The following ANAPC1 variants were observed in gnomAD, a reference collection of about 807,000 sequenced individuals.
ANAPC1 encodes anaphase-promoting complex subunit 1.
A neutral mutation model predicts 208.0 loss-of-function variants in ANAPC1; 36 were observed. The ratio of observed to expected loss-of-function variants is 0.17; its 90% CI spans 0.13 to 0.23. ANAPC1 has a LOEUF of 0.23. ANAPC1 is among the 10% of genes least tolerant of loss of function. The pLI, the probability that ANAPC1 is intolerant of heterozygous loss-of-function variation, is 1.00. For missense variants in ANAPC1, 942 were observed against 2,011.6 expected, an observed-to-expected ratio of 0.47 and a Z score of 10.17; for synonymous variants, 378 against 695.2, an observed-to-expected ratio of 0.54 and a Z score of 7.18.
At chr2:111,883,261 C>A (rs1683417544) in intron 1 of ANAPC1, among the ~76,000 whole-genome samples, 1 of 150,124 alleles carries the variant, frequency 6.7e-6, no homozygotes, top group African/African-American at 2.4e-5. Flanking sequence ...ACAGAATAAC[C>A]AACATCAACG....
intron 6 of ANAPC1, among the ~76,000 whole-genome samples, chr2:111,870,756 A>G (rs1367645753): frequency 1.3e-5 from 2 of 152,148 alleles, no homozygotes; most frequent in African/African-American, 4.8e-5. Context: ...TTTTAGTCAT[A>G]AATTCCTTGC....
At chr2:111,839,088 T>C (rs1680626043) in intron 17 of ANAPC1, among the ~76,000 whole-genome samples, 2 of 152,264 alleles carry the variant, frequency 1.3e-5, no homozygotes, top group African/African-American at 4.8e-5. Context: ...TGGAAGTCAC[T>C]GTCATCACTT....
intron 13 of ANAPC1, among the ~76,000 whole-genome samples, chr2:111,852,077 C>A (rs1681433261): frequency 6.6e-6 from 1 of 150,776 alleles, no homozygotes; most frequent in Non-Finnish European, 1.5e-5. Flanking sequence ...ACTAATTATG[C>A]ATAATTTTTT....
chr2:111,837,430 A>G (rs146880939), intron 18 of ANAPC1, among the ~76,000 whole-genome samples: 53,104 of 150,792 alleles, frequency 0.35, 9,711 homozygotes, highest in South Asian at 0.47. Flanking sequence ...GACCAGCCTG[A>G]CCAACATGGT....
At chr2:111,790,813 C>G (rs1347086967) in intron 38 of ANAPC1, among the ~76,000 whole-genome samples, 1 of 152,050 alleles carries the variant, frequency 6.6e-6, no homozygotes, top group Non-Finnish European at 1.5e-5. Context: ...GGGCTTAGGA[C>G]ATAGTTTAAA....
At chr2:111,813,442 A>C (rs1679092291) in intron 28 of ANAPC1, among the ~76,000 whole-genome samples, 1 of 151,776 alleles carries the variant, frequency 6.6e-6, no homozygotes, top group East Asian at 1.9e-4. Flanking sequence ...GTGGAGACTG[A>C]TATTAATCCA....
intron 16 of ANAPC1, among the ~76,000 whole-genome samples, chr2:111,846,287 C>A (rs1287474814): frequency 6.6e-6 from 1 of 151,616 alleles, no homozygotes; most frequent in Non-Finnish European, 1.5e-5. Flanking sequence ...ATAATTCAAG[C>A]AGAATCCAAT....
Position 111,856,806 on chromosome 2 carries a change from G to T in ANAPC1, c.1439C>A (p.Ala480Glu). ...SVTNIPAKDA[A>E]PVEKIDTMLV... ...ATGTGCCTACATTACCTCCACTGGT[G>T]CTGCATCCTTTGCTGGTATGTTGGT... Residue 480 changes from alanine (A) to glutamate (E), a missense_variant, in exon 12 of 48, where the codon GCA (alanine) becomes GAA (glutamate). By Grantham distance (107) the Ala-to-Glu change is moderately radical (BLOSUM62 -1). Transcript: ENST00000341068. 1 of 1,613,310 alleles carries T rather than the reference G, an allele frequency of 6.2e-7. No homozygotes were observed. The highest frequency in any genetic ancestry group is 8.5e-7 in the Non-Finnish European group (1 of 1,179,866).
intron 21 of ANAPC1, among the ~76,000 whole-genome samples, chr2:111,829,678 C>A (rs1476706777): frequency 5.9e-5 from 9 of 151,750 alleles, no homozygotes; most frequent in African/African-American, 2.2e-4. Flanking sequence ...AGATTTGCAG[C>A]TAGAGGTAAA....
At chr2:111,800,762 C>T (rs1678401306) in intron 34 of ANAPC1, 35 bp downstream of exon 34, 1 of 462,860 alleles carries the variant, frequency 2.2e-6, no homozygotes. Context: ...TAATTTTATG[C>T]TACTAAAGAT....
At chr2:111,866,641 T>C (rs1000684757) in intron 7 of ANAPC1, among the ~76,000 whole-genome samples, 1 of 150,354 alleles carries the variant, frequency 6.7e-6, no homozygotes, top group African/African-American at 2.4e-5. Flanking sequence ...GGAGAATCGC[T>C]TGAACCTGGG....
At chr2:111,832,989 T>C (rs974139673) in intron 20 of ANAPC1, among the ~76,000 whole-genome samples, 1 of 149,844 alleles carries the variant, frequency 6.7e-6, no homozygotes, top group African/African-American at 2.5e-5. Context: ...TCTCTGACTT[T>C]TGCAAGTCAG....
At chr2:111,844,292 G>C (rs890317284) in intron 16 of ANAPC1, among the ~76,000 whole-genome samples, 1 of 151,978 alleles carries the variant, frequency 6.6e-6, no homozygotes, top group Non-Finnish European at 1.5e-5. Context: ...CTATGGGCCA[G>C]GCATGGTGAC....
chr2:111,769,297 C>G lies in ANAPC1; in HGVS notation c.5829G>C (p.Val1943=), dbSNP rs1676590117. The G allele has an allele frequency of 6.2e-6, 10 of 1,601,492 alleles. No homozygotes were observed. The highest frequency in any genetic ancestry group is 8.5e-6 in the Non-Finnish European group (10 of 1,172,896). ...PLLLGNPQPM[V]M ...GGTTCACCGCCAGACACGGTCACAT[C>G]ACCATTGGCTGTGGATTTCCAAGAA... Residue 1943 remains valine (V), a synonymous_variant, in exon 48 of 48, where the codon GTG becomes GTC. Transcript: ENST00000341068.
chr2:111,839,625 T>G (rs1385719484), intron 17 of ANAPC1, among the ~76,000 whole-genome samples: 1 of 152,220 alleles, frequency 6.6e-6, no homozygotes, highest in Non-Finnish European at 1.5e-5. Context: ...GATCTGCTTG[T>G]GAAGCGTTCA....
Position 111,878,841 on chromosome 2 carries a change from T to A in ANAPC1, c.344A>T (p.Lys115Ile). ...GSKSQALAVY[K>I]AFTVDSPVQQ... ...AACAGGACTGTCAACTGTAAATGCT[T>A]TATAAACTGCCAATGCCTGGCTTTT... The change falls in exon 3 of 48, where the codon AAA (lysine) becomes ATA (isoleucine). Residue 115 changes from lysine to isoleucine, a missense_variant. Physicochemically the swap from Lys to Ile is moderately radical, Grantham distance 102. Transcript: ENST00000341068. The A allele has an allele frequency of 6.2e-7, 1 of 1,604,554 alleles. No homozygotes were observed. The highest frequency in any genetic ancestry group is 8.5e-7 in the Non-Finnish European group (1 of 1,177,294).
intron 46 of ANAPC1, among the ~76,000 whole-genome samples, chr2:111,773,796 T>C (rs1249466319): frequency 1.3e-5 from 2 of 152,010 alleles, no homozygotes; most frequent in Non-Finnish European, 2.9e-5. Context: ...CAGGGTGGTG[T>C]GGGGAGCAAG....
chr2:111,848,527 A>G (rs1191650005), intron 14 of ANAPC1, among the ~76,000 whole-genome samples: 2 of 152,134 alleles, frequency 1.3e-5, no homozygotes, highest in African/African-American at 4.8e-5. Flanking sequence ...CTATAATCCC[A>G]GCACCTTGGG....
intron 21 of ANAPC1, among the ~76,000 whole-genome samples, chr2:111,829,988 T>G (rs1254502755): frequency 1.3e-5 from 2 of 152,130 alleles, no homozygotes; most frequent in African/African-American, 4.8e-5. Context: ...GAGAATCGCC[T>G]GAACCCAGAA....
Sources: allele counts gnomAD v4.1 joint callset (sites outside exome capture counted in the v4.1 genomes callset), GRCh38; gene constraint gnomAD v4.1.1; transcripts MANE v1.5; gene names NCBI Gene and HGNC (gene_info 2026-07-23, HGNC 2026-07-21).